SEC14L6: variants seen among roughly 807,000 people sequenced by gnomAD.
The protein encoded by SEC14L6 is SEC14 like lipid binding 6.
A neutral mutation model predicts 54.1 loss-of-function variants in SEC14L6; 40 were observed. That is an observed-to-expected ratio of 0.74 (90% CI 0.57 to 0.96). SEC14L6 has a LOEUF of 0.96. Among genes scored for constraint, SEC14L6 ranks in the 40% least tolerant of loss-of-function variants. The probability of loss-of-function intolerance (pLI) is 0.00; values close to 1 mark genes in which losing one functional copy is unlikely to be tolerated. For missense variants in SEC14L6, 471 were observed against 498.3 expected (o/e 0.95, Z 0.52); for synonymous variants, 171 against 198.4 (o/e 0.86, Z 1.16).
rs1171798733 is a variant in SEC14L6, at chr22:30,524,001, T to C, written c.*996A>G. On this transcript the variant is annotated 3_prime_UTR_variant, in exon 12 of 12. Coordinates refer to ENST00000402034, the MANE Select transcript of SEC14L6 (RefSeq NM_001193336.4). ...TAAACCATATTCCAACTACCTCCTTTATCAGATTCTCACACTCCAGGCCAC... is the reference window on the plus strand; with the variant it reads ...TAAACCATATTCCAACTACCTCCTTCATCAGATTCTCACACTCCAGGCCAC... 1.3e-5 allele frequency: 2 copies of C among 152,192 alleles called. No individual in the cohort carries two copies. Among genetic ancestry groups the C allele is most frequent in the African/African-American group, 4.8e-5 (2 of 41,442 alleles). 9.4% of individuals were successfully genotyped at this position (152,192 alleles called of 1,614,324 possible). A position where few individuals can be genotyped will look rare whatever the true frequency, so the allele number is the denominator to read the frequency against.
chr22:30,527,683 C>T (rs551915650), intron 8 of SEC14L6, among the ~76,000 whole-genome samples: 1 of 145,080 alleles, frequency 6.9e-6, no homozygotes, highest in African/African-American at 2.6e-5. Context: ...TCACTGTACT[C>T]CAGCCTGGGT....
rs1405574208 is a variant in SEC14L6, at chr22:30,525,458, C to T, written c.973G>A (p.Gly325Arg). 1 of 1,614,184 alleles carries T rather than the reference C, an allele frequency of 6.2e-7. No homozygotes were observed. Among genetic ancestry groups the T allele is most frequent in the South Asian group, 1.1e-5 (1 of 91,086 alleles). ...GFGVFLKTKMGERQRAREMTE... is the reference protein window; with the variant it reads ...GFGVFLKTKMRERQRAREMTE... The stretch of plus-strand genomic sequence containing the variant: ...ATCTCCCTAGCCCTCTGCCGCTCCC[C>T]CATCTTGGTCTTCAGGAAAACCCCA... Residue 325 changes from glycine (G) to arginine (R), a missense_variant, in exon 11 of 12, where the codon GGG (glycine) becomes AGG (arginine). Gly to Arg is a moderately radical substitution (Grantham distance 125, BLOSUM62 -2). Coordinates refer to ENST00000402034, the MANE Select transcript of SEC14L6 (RefSeq NM_001193336.4).
At chr22:30,526,487 C>G (rs1358545412) in intron 8 of SEC14L6, among the ~76,000 whole-genome samples, 2 of 152,174 alleles carry the variant, frequency 1.3e-5, no homozygotes, top group Non-Finnish European at 2.9e-5. Context: ...GAGGTGGACA[C>G]CCAGTACCCT....
In SEC14L6 at chr22:30,544,260, G is replaced by A. The variant is rs1033708054; in HGVS notation, c.54+2369C>T. ...CCCTCCTTGGCTCTCCAGCAGCCAC[G>A]GCCCCCTCTCCCCACATTGCCACAC... On this transcript the variant is annotated intron_variant, in intron 1 of 11. Transcript: ENST00000402034. 1.5e-4 allele frequency: 77 copies of A among 523,202 alleles called. 1 individual carries two copies. The Middle Eastern group carries it at 2.0e-3, about 14-fold the overall frequency. The allele number at this position is 523,202 out of a possible 1,614,324, so 32.4% of individuals were successfully genotyped here.
At chr22:30,538,732 CTA>C in intron 2 of SEC14L6, 93 bp downstream of exon 2, 4 of 815,770 alleles carry the variant, frequency 4.9e-6, no homozygotes, top group East Asian at 2.8e-5. Context: ...TTTTAAATGG[CTA>C]TGTTTTGGAG....
At chr22:30,542,753 AC>A (rs1230531777) in intron 1 of SEC14L6, 1 of 1,563,676 alleles carries the variant, frequency 6.4e-7, no homozygotes, top group Non-Finnish European at 8.8e-7. Context: ...ACCTCCCTGA[AC>A]CCTGTGGGGC....
rs747106195 is a variant in SEC14L6 at position 30,532,716 on chromosome 22, G to A, written c.235-3C>T. The A allele has an allele frequency of 3.1e-5, 49 of 1,575,278 alleles. 1 individual carries two copies. The African/African-American group carries it at 6.2e-4, about 20-fold the overall frequency. On this transcript the variant is annotated splice_polypyrimidine_tract_variant and splice_region_variant and intron_variant, in intron 4 of 11. Transcript: ENST00000402034. ...TTAGCGTTGTACAGCCTGACCACCTGGATGCATACACAGGAGACGGGGGTT... is the reference window on the plus strand; with the variant it reads ...TTAGCGTTGTACAGCCTGACCACCTAGATGCATACACAGGAGACGGGGGTT...
intron 1 of SEC14L6, chr22:30,542,737 A>G: frequency 6.3e-7 from 1 of 1,576,328 alleles, no homozygotes; most frequent in Non-Finnish European, 8.7e-7. Context: ...TCTGCAGTGC[A>G]CTGTGACCTC....
At position 30,546,722 on chromosome 22, in the gene SEC14L6, CT is replaced by C; in HGVS notation, c.-41del. On this transcript the variant is annotated 5_prime_UTR_variant, in exon 1 of 12. Transcript: ENST00000402034. ...GGTCCAGGCTCCACTCTGTGGCTCC[CT>C]CCAGGTGGCCTGCCTTTTGCCAGCT... is the stretch of plus-strand genomic sequence containing the variant. 2 of 1,528,170 alleles carry C rather than the reference CT, an allele frequency of 1.3e-6. No homozygotes were observed. The highest frequency in any genetic ancestry group is 1.8e-6 in the Non-Finnish European group (2 of 1,129,404). The allele number at this position is 1,528,170 out of a possible 1,614,324, so 94.7% of individuals were successfully genotyped here. A position where few individuals can be genotyped will look rare whatever the true frequency, so the allele number is the denominator to read the frequency against.
At chr22:30,533,237 T>G (rs532511220) in intron 3 of SEC14L6, 9 of 764,020 alleles carry the variant, frequency 1.2e-5, no homozygotes, top group Non-Finnish European at 1.4e-5. Flanking sequence ...CTGGCTGATG[T>G]GTTGGGGCCA....
intron 2 of SEC14L6, among the ~76,000 whole-genome samples, chr22:30,537,596 C>G (rs1324352336): frequency 1.3e-5 from 2 of 152,124 alleles, no homozygotes; most frequent in Non-Finnish European, 2.9e-5. Context: ...AGAGTGAGAC[C>G]TTGTTTGAGA....
chr22:30,533,600 A>C (rs76144155), intron 3 of SEC14L6, among the ~76,000 whole-genome samples: 1 of 12,144 alleles, frequency 8.2e-5, no homozygotes, highest in Non-Finnish European at 2.1e-4. Context: ...GACTGTCTCA[A>C]AAAAAAAAAA....
At chr22:30,539,837 G>C (rs1324442380) in intron 1 of SEC14L6, among the ~76,000 whole-genome samples, 1 of 152,186 alleles carries the variant, frequency 6.6e-6, no homozygotes, top group Admixed American at 6.5e-5. Context: ...GGCTTGACCT[G>C]GCCTGGGAGT....
chr22:30,531,156 C>G (rs1292740746), intron 6 of SEC14L6, among the ~76,000 whole-genome samples: 1 of 152,118 alleles, frequency 6.6e-6, no homozygotes, highest in Non-Finnish European at 1.5e-5. Context: ...ACCTATAATC[C>G]CAGCACTTTG....
intron 1 of SEC14L6, chr22:30,542,896 A>G (rs943006493): frequency 6.2e-7 from 1 of 1,601,458 alleles, no homozygotes; most frequent in Non-Finnish European, 8.5e-7. Context: ...CATCTGCATC[A>G]GTAACATCAC....
chr22:30,543,799 C>A, intron 1 of SEC14L6: 1 of 1,511,978 alleles, frequency 6.6e-7, no homozygotes, highest in Non-Finnish European at 9.2e-7. Context: ...TACAAGGTTG[C>A]ATGAACCCGA....
chr22:30,543,114 G>C, intron 1 of SEC14L6: 1 of 1,603,548 alleles, frequency 6.2e-7, no homozygotes, highest in Admixed American at 1.7e-5. Flanking sequence ...ACATCAGCCT[G>C]AAATGGTTCA....
At chr22:30,531,720 A>G (rs930834685) in intron 6 of SEC14L6, among the ~76,000 whole-genome samples, 183 bp downstream of exon 6, 2 of 152,114 alleles carry the variant, frequency 1.3e-5, no homozygotes, top group Non-Finnish European at 2.9e-5. Flanking sequence ...GCGAAACTCC[A>G]TTTCAAAAAA....
intron 8 of SEC14L6, among the ~76,000 whole-genome samples, chr22:30,527,863 T>C (rs1936828588): frequency 1.3e-5 from 2 of 151,962 alleles, no homozygotes. Context: ...CATTTGTTCC[T>C]AATAATAAAA....
Sources: gnomAD v4.1 joint callset for allele counts (sites outside exome capture counted in the v4.1 genomes callset) on GRCh38, gnomAD v4.1.1 for gene constraint, MANE v1.5 for transcripts, NCBI Gene and HGNC (gene_info 2026-07-23, HGNC 2026-07-21) for gene names.